The following SLC1A1 variants were observed in gnomAD, a reference collection of about 807,000 sequenced individuals.
SLC1A1 encodes excitatory amino acid transporter 3.
In SLC1A1, 43 loss-of-function variants were observed where a neutral mutation model predicts 53.3. The ratio of observed to expected loss-of-function variants is 0.81; its 90% CI spans 0.63 to 1.04. SLC1A1 has a LOEUF of 1.04. Among genes scored for constraint, SLC1A1 ranks in the 50% least tolerant of loss-of-function variants. SLC1A1 has a pLI of 0.00. For synonymous variants in SLC1A1, 307 were observed against 243.2 expected (o/e 1.26, Z -2.44); for missense variants, 748 against 664.9 (o/e 1.12, Z -1.37).
intron 10 of SLC1A1, among the ~76,000 whole-genome samples, chr9:4,579,205 A>C (rs1820837167): frequency 6.6e-6 from 1 of 152,234 alleles, no homozygotes; most frequent in Non-Finnish European, 1.5e-5. Context: ...AGATTGAGCA[A>C]AGTCCTGTAA....
At chr9:4,501,977 G>C (rs569012779) in intron 1 of SLC1A1, among the ~76,000 whole-genome samples, 2 of 151,674 alleles carry the variant, frequency 1.3e-5, no homozygotes, top group African/African-American at 2.4e-5. Flanking sequence ...AAACTACAGA[G>C]AGCCTAATCT....
Position 4,583,994 on chromosome 9 carries a change from G to A in SLC1A1, c.1328+822G>A, listed in dbSNP as rs1030911603. ...AAAGTTAGAACCAGCCTGGCTCCAA[G>A]CTTTACCCTTGATGCCCACTTCTGT... is the stretch of plus-strand genomic sequence containing the variant. On this transcript the variant is annotated intron_variant, in intron 11 of 11. Coordinates refer to ENST00000262352, the MANE Select transcript of SLC1A1 (RefSeq NM_004170.6). This position sits in a 1 kb window ranked among gnomAD's most constrained non-coding sequence, Gnocchi z 4.6. Among the ~76,000 whole-genome samples, 1 of 151,976 alleles carries A rather than the reference G, an allele frequency of 6.6e-6. No individual in the cohort carries two copies. Among genetic ancestry groups the A allele is most frequent in the African/African-American group, 2.4e-5 (1 of 41,356 alleles).
intron 6 of SLC1A1, among the ~76,000 whole-genome samples, chr9:4,568,833 T>C (rs1019451265): frequency 3.3e-5 from 5 of 152,174 alleles, no homozygotes; most frequent in South Asian, 2.1e-4. Context: ...GCATGAGTTA[T>C]AGTGCTGTTG....
chr9:4,573,817 G>A, intron 7 of SLC1A1, 90 bp from the exon 8 acceptor site: 1 of 860,372 alleles, frequency 1.2e-6, no homozygotes, highest in Non-Finnish European at 2.0e-6. Flanking sequence ...CAAGCTGAGG[G>A]TGCCCACACT....
At chr9:4,564,831 C>A (rs779031899) in intron 4 of SLC1A1, among the ~76,000 whole-genome samples, 1 of 152,004 alleles carries the variant, frequency 6.6e-6, no homozygotes, top group Non-Finnish European at 1.5e-5. Flanking sequence ...ATAGGTCAGT[C>A]AATAAAAAAT....
intron 1 of SLC1A1, among the ~76,000 whole-genome samples, chr9:4,527,258 C>G (rs1343384560): frequency 6.6e-6 from 1 of 152,166 alleles, no homozygotes; most frequent in African/African-American, 2.4e-5. Flanking sequence ...TAATTGACAC[C>G]TTACTGAAGC....
intron 10 of SLC1A1, among the ~76,000 whole-genome samples, chr9:4,579,983 G>A (rs1052985189): frequency 6.6e-6 from 1 of 152,174 alleles, no homozygotes; most frequent in Admixed American, 6.6e-5. Context: ...CACTTTGGGA[G>A]ACCTAAGTGG....
intron 1 of SLC1A1, among the ~76,000 whole-genome samples, chr9:4,522,675 G>C (rs150118887): frequency 6.6e-6 from 1 of 152,144 alleles, no homozygotes; most frequent in Admixed American, 6.5e-5. Flanking sequence ...ATGGCAAAAG[G>C]GGAAGCAGGC....
intron 1 of SLC1A1, among the ~76,000 whole-genome samples, chr9:4,522,293 T>C (rs952160179): frequency 6.6e-6 from 1 of 151,982 alleles, no homozygotes; most frequent in East Asian, 1.9e-4. Context: ...CCTTGTGATC[T>C]GCCCGCCTCA....
rs1000896531 is a variant in SLC1A1 at position 4,549,569 on chromosome 9, G to A, written c.232+4862G>A. Reference sequence around the variant, plus strand: ...GAGTTCATCTCTAAAGGTGTTCCAAGCTTTCCTGCACCCCAGATCCCAGAA... The same window carrying A: ...GAGTTCATCTCTAAAGGTGTTCCAAACTTTCCTGCACCCCAGATCCCAGAA... On this transcript the variant is annotated intron_variant, in intron 2 of 11. Transcript: ENST00000262352. This position sits in a 1 kb window ranked among gnomAD's most constrained non-coding sequence, Gnocchi z 4.1. Among the ~76,000 whole-genome samples, 23 of 152,110 alleles carry A rather than the reference G, an allele frequency of 1.5e-4. No individual in the cohort carries two copies. The highest frequency in any genetic ancestry group is 7.3e-5 in the Non-Finnish European group (5 of 68,028).
intron 1 of SLC1A1, among the ~76,000 whole-genome samples, chr9:4,520,888 A>C (rs1816046136): frequency 6.6e-6 from 1 of 152,238 alleles, no homozygotes; most frequent in African/African-American, 2.4e-5. Flanking sequence ...CCAAAAAGGC[A>C]AAAAGATTCC....
In SLC1A1 at chr9:4,580,637, G is replaced by GTA. The variant is rs1554690393; in HGVS notation, c.1194-2400_1194-2399insAT. Among the ~76,000 whole-genome samples, 67 of 26,330 alleles carry GTA rather than the reference G, an allele frequency of 2.5e-3. 1 individual carries two copies. The East Asian group carries it at 0.048, about 19-fold the overall frequency. The allele number at this position is 26,330 out of a possible 152,430, so 17.3% of individuals were successfully genotyped here. A position where few individuals can be genotyped will look rare whatever the true frequency, so the allele number is the denominator to read the frequency against. ...TGTGTGTGTGTGTGTGTGTGTGTGT[G>GTA]TGTGTGTGTGTGTGTATAAGGAATA... is the stretch of plus-strand genomic sequence containing the variant. On this transcript the variant is annotated intron_variant, in intron 10 of 11. Transcript: ENST00000262352.
chr9:4,576,528 G>A (rs750221771), intron 9 of SLC1A1, 41 bp from the exon 10 acceptor site: 6 of 1,553,972 alleles, frequency 3.9e-6, no homozygotes, highest in Non-Finnish European at 5.3e-6. Context: ...CTAAGGTCCA[G>A]CATTTCTAGA....
At chr9:4,539,948 G>C (rs1816861645) in intron 1 of SLC1A1, among the ~76,000 whole-genome samples, 1 of 152,176 alleles carries the variant, frequency 6.6e-6, no homozygotes, top group Admixed American at 6.5e-5. Flanking sequence ...GGGCAGAAGA[G>C]GGCAGTCCCC....
chr9:4,564,467 T>C lies in SLC1A1; in HGVS notation c.440+9T>C, dbSNP rs1819291674. The C allele has an allele frequency of 2.5e-6, 4 of 1,580,048 alleles. No homozygotes were observed. The East Asian group carries it at 9.0e-5, about 35-fold the overall frequency. Reference sequence around the variant, plus strand: ...ATGTTAGATCTCATCAGGTGAGTGTTTTGCCACAAGGTGGCTTCAAGGGCA... The same window carrying C: ...ATGTTAGATCTCATCAGGTGAGTGTCTTGCCACAAGGTGGCTTCAAGGGCA... On this transcript the variant is annotated intron_variant, in intron 4 of 11. Coordinates refer to ENST00000262352, the MANE Select transcript of SLC1A1 (RefSeq NM_004170.6).
At position 4,585,462 on chromosome 9, in the gene SLC1A1, C is replaced by T; in HGVS notation, c.1479C>T (p.Asp493=). The T allele has an allele frequency of 6.2e-7, 1 of 1,614,198 alleles. No individual in the cohort carries two copies. Among genetic ancestry groups the T allele is most frequent in the Non-Finnish European group, 8.5e-7 (1 of 1,180,040 alleles). The change falls in exon 12 of 12, where the codon GAC becomes GAT. Residue 493 remains aspartate (D), a synonymous_variant. Coordinates refer to ENST00000262352, the MANE Select transcript of SLC1A1 (RefSeq NM_004170.6). The part of the protein sequence containing the change: ...NPFALESTIL[D]NEDSDTKKSY... The stretch of plus-strand genomic sequence containing the variant: ...TTGCCTTGGAATCCACAATCCTTGA[C>T]AACGAAGACTCAGACACCAAGAAGT...
intron 6 of SLC1A1, among the ~76,000 whole-genome samples, chr9:4,571,626 G>A (rs1231364502): frequency 6.6e-6 from 1 of 152,024 alleles, no homozygotes; most frequent in Non-Finnish European, 1.5e-5. Flanking sequence ...GCAGTGAACT[G>A]AGATACCACC....
Position 4,549,859 on chromosome 9 carries a change from C to A in SLC1A1, c.232+5152C>A, listed in dbSNP as rs767381499. 6.6e-6 allele frequency among the ~76,000 whole-genome samples: 1 copy of A among 152,174 alleles called. No homozygotes were observed. Among genetic ancestry groups the A allele is most frequent in the Non-Finnish European group, 1.5e-5 (1 of 68,026 alleles). Reference sequence around the variant, plus strand: ...CTGTCCAGGTCAGGCTGGGCCAAGTCCATGCCAGTTCCTGTGCACATTTCT... The same window carrying A: ...CTGTCCAGGTCAGGCTGGGCCAAGTACATGCCAGTTCCTGTGCACATTTCT... On this transcript the variant is annotated intron_variant, in intron 2 of 11. Transcript: ENST00000262352. This position sits in a 1 kb window ranked among gnomAD's most constrained non-coding sequence, Gnocchi z 4.1.
At chr9:4,528,531 A>T (rs554202107) in intron 1 of SLC1A1, among the ~76,000 whole-genome samples, 1 of 152,154 alleles carries the variant, frequency 6.6e-6, no homozygotes, top group Non-Finnish European at 1.5e-5. Flanking sequence ...AGCCAAGATC[A>T]CGCCACTGCA....
Sources: allele counts gnomAD v4.1 joint callset (sites outside exome capture counted in the v4.1 genomes callset), GRCh38; gene constraint gnomAD v4.1.1; non-coding constraint Gnocchi (gnomAD v3.1); transcripts MANE v1.5; gene names NCBI Gene and HGNC (gene_info 2026-07-23, HGNC 2026-07-21).